Variants in LRRC1 observed in about 807,000 individuals in gnomAD.
LRRC1 encodes the protein leucine-rich repeat-containing protein 1.
Under a neutral mutation model 69.9 loss-of-function variants are expected in LRRC1, and 28 were observed. The ratio of observed to expected loss-of-function variants is 0.40; its 90% CI spans 0.30 to 0.55. The LOEUF is 0.55. Among genes scored for constraint, LRRC1 ranks in the 20% least tolerant of loss-of-function variants. The pLI is 0.47. For missense variants in LRRC1, 498 were observed against 609.0 expected (o/e 0.82, Z 1.92); for synonymous variants, 236 against 240.2 (o/e 0.98, Z 0.16).
chr6:53,920,637 G>C lies in LRRC1; in HGVS notation c.1292G>C (p.Arg431Pro). 1.9e-6 allele frequency: 3 copies of C among 1,614,114 alleles called. No individual in the cohort carries two copies. Among genetic ancestry groups the C allele is most frequent in the Non-Finnish European group, 2.5e-6 (3 of 1,180,000 alleles). ...TTTGTCACTGCAGAGAATCTGCCTC[G>C]CTGTGGTGCACTGGAGAACTTGGTA... is the stretch of plus-strand genomic sequence containing the variant. ...SEPTCQENLP[R>P]CGALENLVND... The change falls in exon 13 of 14, where the codon CGC becomes CCC. Residue 431 changes from arginine to proline, a missense_variant. Around this residue, in one of 3 missense-constraint regions of LRRC1, gnomAD observed 162 missense variants for 162.9 expected, o/e 0.99. Coordinates refer to ENST00000370888, the MANE Select transcript of LRRC1 (RefSeq NM_018214.5).
chr6:53,882,987 T>C lies in LRRC1; in HGVS notation c.446+11T>C, dbSNP rs370154704. On this transcript the variant is annotated intron_variant, in intron 4 of 13. Transcript: ENST00000370888. ...TGAAAATATTGGCAAGTAAGTTTTT[T>C]TGTGAAGTTTGGGTGGATCAGGGTG... 3.2e-5 allele frequency: 51 copies of C among 1,574,384 alleles called. No homozygotes were observed. The highest frequency in any genetic ancestry group is 4.2e-5 in the Non-Finnish European group (48 of 1,147,644).
Position 53,905,812 on chromosome 6 carries a change from C to T in LRRC1, c.990+1350C>T, listed in dbSNP as rs117659784. Among the ~76,000 whole-genome samples, 479 of 152,232 alleles carry T rather than the reference C, an allele frequency of 3.1e-3. 7 individuals carry two copies. In the East Asian group the frequency reaches 0.041, roughly 13 times the overall value. ...AAACATGATCATATTCTGAAACATCCTTAATATGAACACTGTCATCTAAGT... is the reference window on the plus strand; with the variant it reads ...AAACATGATCATATTCTGAAACATCTTTAATATGAACACTGTCATCTAAGT... On this transcript the variant is annotated intron_variant, in intron 10 of 13. Transcript: ENST00000370888.
rs561874976 is a variant in LRRC1, at chr6:53,847,958, A to T, written c.277+5731A>T. ...GTGTGGTAGAAACAAGTTTTTACCC[A>T]TGCGGACTTCAGACTTGCCACAATT... On this transcript the variant is annotated intron_variant, in intron 2 of 13. Coordinates refer to ENST00000370888, the MANE Select transcript of LRRC1 (RefSeq NM_018214.5). Among the ~76,000 whole-genome samples, 15 of 152,290 alleles carry T rather than the reference A, an allele frequency of 9.8e-5. No individual in the cohort carries two copies. The East Asian group carries it at 2.3e-3, about 24-fold the overall frequency.
At chr6:53,835,526 T>G (rs1765589591) in intron 1 of LRRC1, among the ~76,000 whole-genome samples, 1 of 152,234 alleles carries the variant, frequency 6.6e-6, no homozygotes, top group Non-Finnish European at 1.5e-5. Flanking sequence ...TCACGCTTAT[T>G]TAACTAATAC....
intron 1 of LRRC1, among the ~76,000 whole-genome samples, chr6:53,803,065 C>T (rs1267564123): frequency 6.6e-6 from 1 of 152,194 alleles, no homozygotes; most frequent in East Asian, 1.9e-4. Flanking sequence ...CACAGGCTTC[C>T]AGTGAATTTC....
chr6:53,820,465 C>G (rs1765085078), intron 1 of LRRC1, among the ~76,000 whole-genome samples: 1 of 149,430 alleles, frequency 6.7e-6, no homozygotes, highest in Admixed American at 6.7e-5. Flanking sequence ...CTCAAATTCA[C>G]AAGTTAAAAT....
At chr6:53,830,741 C>T (rs978056216) in intron 1 of LRRC1, among the ~76,000 whole-genome samples, 3 of 151,870 alleles carry the variant, frequency 2.0e-5, no homozygotes, top group African/African-American at 7.3e-5. Flanking sequence ...GTAAACCTAT[C>T]TGGTTGGAGA....
chr6:53,854,638 G>A (rs1194338353), intron 2 of LRRC1, among the ~76,000 whole-genome samples: 1 of 152,110 alleles, frequency 6.6e-6, no homozygotes, highest in African/African-American at 2.4e-5. Context: ...TAGTGAATTG[G>A]TATTTTGTCT....
chr6:53,795,334 C>T lies in LRRC1; in HGVS notation c.78C>T (p.Tyr26=), dbSNP rs762488793. 4 of 1,613,742 alleles carry T rather than the reference C, an allele frequency of 2.5e-6. No individual in the cohort carries two copies. The highest frequency in any genetic ancestry group is 2.2e-5 in the East Asian group (1 of 44,862). The change falls in exon 1 of 14, where the codon TAC becomes TAT. Residue 26 remains tyrosine (Y), a synonymous_variant. Transcript: ENST00000370888. ...SIDKRHCSLV[Y]VPEEIYRYAR... is the part of the protein sequence containing the mutation. ...ACAAGCGCCACTGCTCGCTGGTCTA[C>T]GTCCCCGAGGAGATCTACCGCTATG...
chr6:53,803,782 A>G (rs1300882096), intron 1 of LRRC1, among the ~76,000 whole-genome samples: 2 of 152,196 alleles, frequency 1.3e-5, no homozygotes, highest in East Asian at 3.8e-4. Flanking sequence ...GGTAAGTGGA[A>G]GGTGGTGTTA....
At chr6:53,874,837 C>A (rs886439895) in intron 2 of LRRC1, among the ~76,000 whole-genome samples, 1 of 151,982 alleles carries the variant, frequency 6.6e-6, no homozygotes, top group Non-Finnish European at 1.5e-5. Flanking sequence ...TTTTAAAGGC[C>A]TAAAAGCTAT....
intron 8 of LRRC1, among the ~76,000 whole-genome samples, chr6:53,902,258 AT>A (rs549655347): frequency 1.2e-3 from 174 of 149,730 alleles, no homozygotes; most frequent in African/African-American, 3.0e-3. Context: ...TTAATAAACT[AT>A]TTTTTTTTTG....
At chr6:53,872,851 C>T (rs936283215) in intron 2 of LRRC1, among the ~76,000 whole-genome samples, 5 of 149,860 alleles carry the variant, frequency 3.3e-5, no homozygotes, top group South Asian at 2.1e-4. Context: ...TGGCCTCCCA[C>T]GTTCAAGCAA....
chr6:53,860,640 A>C (rs1349855186), intron 2 of LRRC1, among the ~76,000 whole-genome samples: 1 of 152,168 alleles, frequency 6.6e-6, no homozygotes, highest in Non-Finnish European at 1.5e-5. Context: ...TTAGATCCAA[A>C]CAGTCCTGCT....
chr6:53,837,576 C>T (rs1202062126), intron 1 of LRRC1, among the ~76,000 whole-genome samples: 1 of 152,094 alleles, frequency 6.6e-6, no homozygotes, highest in African/African-American at 2.4e-5. Context: ...GCATTTTTTA[C>T]ATTAGTTGTT....
chr6:53,860,736 A>G (rs1420073721), intron 2 of LRRC1, among the ~76,000 whole-genome samples: 3 of 152,136 alleles, frequency 2.0e-5, no homozygotes, highest in African/African-American at 4.8e-5. Context: ...GTTACTTCCC[A>G]TTGGAGGCAG....
At chr6:53,871,867 C>T (rs1766896315) in intron 2 of LRRC1, among the ~76,000 whole-genome samples, 1 of 152,122 alleles carries the variant, frequency 6.6e-6, no homozygotes, top group South Asian at 2.1e-4. Context: ...GGGGTTTTGC[C>T]ATGTTAGCCA....
intron 1 of LRRC1, among the ~76,000 whole-genome samples, chr6:53,836,252 G>T (rs1207315846): frequency 6.6e-6 from 1 of 152,090 alleles, no homozygotes; most frequent in Non-Finnish European, 1.5e-5. Flanking sequence ...AGCAGCAGCG[G>T]AATTACCTAA....
At chr6:53,840,344 A>G (rs1765741951) in intron 1 of LRRC1, among the ~76,000 whole-genome samples, 1 of 152,186 alleles carries the variant, frequency 6.6e-6, no homozygotes, top group Admixed American at 6.5e-5. Context: ...TTTTGAGTCC[A>G]GTGCCATTCT....
Sources: allele counts gnomAD v4.1 joint callset (sites outside exome capture counted in the v4.1 genomes callset), GRCh38; gene constraint gnomAD v4.1.1; regional missense constraint gnomAD v4.1.1; transcripts MANE v1.5; gene names NCBI Gene and HGNC (gene_info 2026-07-23, HGNC 2026-07-21).